The following PPM1D variants were observed in gnomAD, a reference collection of about 807,000 sequenced individuals.
PPM1D encodes the protein protein phosphatase, Mg2+/Mn2+ dependent 1D.
A neutral mutation model predicts 58.3 loss-of-function variants in PPM1D; 52 were observed. The ratio of observed to expected loss-of-function variants is 0.89; its 90% CI spans 0.71 to 1.12. PPM1D has a LOEUF of 1.12. Ranked by LOEUF, PPM1D falls within the 50% of genes most tolerant of loss-of-function variation. PPM1D has a pLI of 0.00. For missense variants in PPM1D, 564 were observed against 777.2 expected (o/e 0.73, Z 3.26); for synonymous variants, 278 against 285.1 (o/e 0.98, Z 0.25).
At chr17:60,643,639 C>T (rs1452922168) in intron 3 of PPM1D, among the ~76,000 whole-genome samples, 1 of 152,068 alleles carries the variant, frequency 6.6e-6, no homozygotes, top group Admixed American at 6.6e-5. Flanking sequence ...AAAAAGGCAC[C>T]TTTATGCTGC....
At chr17:60,608,321 T>C (rs1336105763) in intron 1 of PPM1D, among the ~76,000 whole-genome samples, 1 of 152,180 alleles carries the variant, frequency 6.6e-6, no homozygotes, top group Admixed American at 6.6e-5. Flanking sequence ...TTCAAAAAGA[T>C]GTAAAATGAT....
intron 3 of PPM1D, among the ~76,000 whole-genome samples, chr17:60,647,258 T>G (rs2031266407): frequency 6.6e-6 from 1 of 152,216 alleles, no homozygotes. Flanking sequence ...TTTTAATGTT[T>G]CAAAATAGAA....
chr17:60,613,273 A>G (rs1434690998), intron 1 of PPM1D, among the ~76,000 whole-genome samples: 1 of 152,178 alleles, frequency 6.6e-6, no homozygotes, highest in African/African-American at 2.4e-5. Context: ...TGCTTAAACA[A>G]TGTATACCTT....
Position 60,602,038 on chromosome 17 carries a change from A to G in PPM1D, c.472+1152A>G, listed in dbSNP as rs79979798. Among the ~76,000 whole-genome samples, 609 of 152,372 alleles carry G rather than the reference A, an allele frequency of 4.0e-3. 3 individuals are homozygous for G. The highest frequency in any genetic ancestry group is 4.6e-3 in the Non-Finnish European group (313 of 68,044). On this transcript the variant is annotated intron_variant, in intron 1 of 5. Coordinates refer to ENST00000305921, the MANE Select transcript of PPM1D (RefSeq NM_003620.4). ...AGAACATTTTTAGAAAGGTATTGTC[A>G]TAGAGTTGTAGATTAGCCGGTTTCA...
chr17:60,612,395 T>C (rs1177693830), intron 1 of PPM1D, among the ~76,000 whole-genome samples: 1 of 152,024 alleles, frequency 6.6e-6, no homozygotes, highest in Non-Finnish European at 1.5e-5. Context: ...CAAACCTAGA[T>C]GGTATAGCCT....
rs114031477 is a variant in PPM1D, at chr17:60,634,465, G to A, written c.826+488G>A. 2.4e-3 allele frequency among the ~76,000 whole-genome samples: 360 copies of A among 152,232 alleles called. 2 individuals are homozygous for A. Among genetic ancestry groups the A allele is most frequent in the African/African-American group, 8.2e-3 (341 of 41,534 alleles). On this transcript the variant is annotated intron_variant, in intron 3 of 5. Coordinates refer to ENST00000305921, the MANE Select transcript of PPM1D (RefSeq NM_003620.4). ...TCACTGACAGTTGCCCTTTGTTCATGAGTCACGTTCAATGTTTTGCTAATT... is the reference window on the plus strand; with the variant it reads ...TCACTGACAGTTGCCCTTTGTTCATAAGTCACGTTCAATGTTTTGCTAATT...
At position 60,663,075 on chromosome 17, in the gene PPM1D, G is replaced by T. The variant is rs769061997; in HGVS notation, c.1341G>T (p.Glu447Asp). 6.2e-6 allele frequency: 10 copies of T among 1,614,000 alleles called. No homozygotes were observed. The highest frequency in any genetic ancestry group is 2.2e-5 in the East Asian group (1 of 44,902). ...TGGTTCGTAGCAATGCCTTCTCAGAGAATTTTTTAGAGGTTTCAGCTGAGA... is the reference window on the plus strand; with the variant it reads ...TGGTTCGTAGCAATGCCTTCTCAGATAATTTTTTAGAGGTTTCAGCTGAGA... ...PALVRSNAFS[E>D]NFLEVSAEIA... Residue 447 changes from glutamate (E) to aspartate (D), a missense_variant, in exon 6 of 6, where the codon GAG (glutamate) becomes GAT (aspartate). Glu to Asp is a conservative substitution (Grantham distance 45, BLOSUM62 2). This residue lies in a region of PPM1D where 261 missense variants were observed against 270.1 expected (regional missense o/e 0.97). Transcript: ENST00000305921.
At position 60,603,694 on chromosome 17, in the gene PPM1D, G is replaced by A. The variant is rs546241123; in HGVS notation, c.472+2808G>A. ...AGAGAGAATTGCTTGAACCCGCGAG[G>A]CGGAGGTTGCAGTGAGCTGGGATTG... On this transcript the variant is annotated intron_variant, in intron 1 of 5. Transcript: ENST00000305921. Among the ~76,000 whole-genome samples, 66 of 152,270 alleles carry A rather than the reference G, an allele frequency of 4.3e-4. No individual in the cohort carries two copies. In the South Asian group the frequency reaches 4.8e-3, roughly 11 times the overall value.
chr17:60,655,858 C>T (rs776421586), intron 4 of PPM1D, among the ~76,000 whole-genome samples: 2 of 151,562 alleles, frequency 1.3e-5, no homozygotes, highest in Admixed American at 6.6e-5. Flanking sequence ...TGTGCCGTCG[C>T]GCCCGGCTAA....
At chr17:60,636,254 T>C (rs2031019983) in intron 3 of PPM1D, among the ~76,000 whole-genome samples, 2 of 152,222 alleles carry the variant, frequency 1.3e-5, no homozygotes, top group South Asian at 4.1e-4. Context: ...CACCCTCAAG[T>C]ATATCAAATA....
chr17:60,632,819 T>G (rs2030949273), intron 2 of PPM1D, among the ~76,000 whole-genome samples: 1 of 151,260 alleles, frequency 6.6e-6, no homozygotes, highest in Non-Finnish European at 1.5e-5. Context: ...AATACAAAAA[T>G]TAGCAGGCGT....
At chr17:60,601,240 G>C (rs1454369772) in intron 1 of PPM1D, among the ~76,000 whole-genome samples, 1 of 152,174 alleles carries the variant, frequency 6.6e-6, no homozygotes. Flanking sequence ...TGTTGCACCT[G>C]GGCCAGGCGA....
chr17:60,642,948 G>A (rs1235209886), intron 3 of PPM1D, among the ~76,000 whole-genome samples: 2 of 151,090 alleles, frequency 1.3e-5, no homozygotes, highest in East Asian at 4.0e-4. Context: ...GCGCCTTATA[G>A]TCCCACCTAC....
intron 1 of PPM1D, among the ~76,000 whole-genome samples, chr17:60,603,140 T>C (rs2030253522): frequency 6.6e-6 from 1 of 152,214 alleles, no homozygotes. Flanking sequence ...TGTTTTCTTC[T>C]GTGAAGACTA....
chr17:60,648,168 T>C lies in PPM1D; in HGVS notation c.1017+86T>C, dbSNP rs1007566208. ...GAATCTTGAATATGAACTAAGGACA[T>C]TGACCTTGGGTAGATTTTTGCATTT... On this transcript the variant is annotated intron_variant, in intron 4 of 5. Transcript: ENST00000305921. 4.2e-6 allele frequency: 6 copies of C among 1,420,908 alleles called. No individual in the cohort carries two copies. The African/African-American group carries it at 5.8e-5, about 14-fold the overall frequency. The allele number at this position is 1,420,908 out of a possible 1,614,324, so 88.0% of individuals were successfully genotyped here. A position where few individuals can be genotyped will look rare whatever the true frequency, so the allele number is the denominator to read the frequency against.
intron 4 of PPM1D, among the ~76,000 whole-genome samples, chr17:60,651,237 G>GT (rs900429616): frequency 4.6e-5 from 7 of 152,172 alleles, no homozygotes; most frequent in Non-Finnish European, 8.8e-5. Flanking sequence ...GTCAGCTGGT[G>GT]TTTGGAGAGT....
chr17:60,663,590 T>C lies in PPM1D; in HGVS notation c.*38T>C, dbSNP rs370345658. The stretch of plus-strand genomic sequence containing the variant: ...AAATGAGGTTTTTCCAAACTTAGGA[T>C]ATAAGAGGGCTTTTTAAATTTGGTG... On this transcript the variant is annotated 3_prime_UTR_variant, in exon 6 of 6. Coordinates refer to ENST00000305921, the MANE Select transcript of PPM1D (RefSeq NM_003620.4). The C allele has an allele frequency of 1.3e-6, 2 of 1,566,470 alleles. No individual in the cohort carries two copies. The highest frequency in any genetic ancestry group is 1.7e-6 in the Non-Finnish European group (2 of 1,160,622).
At chr17:60,654,286 T>TGA (rs1338883509) in intron 4 of PPM1D, among the ~76,000 whole-genome samples, 4 of 148,366 alleles carry the variant, frequency 2.7e-5, no homozygotes, top group African/African-American at 5.0e-5. Context: ...TTTTTTTTTT[T>TGA]GAGAGAGAGA....
chr17:60,612,014 A>AG (rs1476006196), intron 1 of PPM1D, among the ~76,000 whole-genome samples: 1 of 151,514 alleles, frequency 6.6e-6, no homozygotes, highest in Non-Finnish European at 1.5e-5. Flanking sequence ...CACTGACTAC[A>AG]TGTAGTCAGT....
Sources: allele counts gnomAD v4.1 joint callset (sites outside exome capture counted in the v4.1 genomes callset), GRCh38; gene constraint gnomAD v4.1.1; regional missense constraint gnomAD v4.1.1; transcripts MANE v1.5; gene names NCBI Gene and HGNC (gene_info 2026-07-23, HGNC 2026-07-21).